SUCLA2: variants seen among roughly 807,000 people sequenced by gnomAD.
SUCLA2 encodes succinate-CoA ligase ADP-forming subunit beta.
A neutral mutation model predicts 54.8 loss-of-function variants in SUCLA2; 30 were observed. The observed-to-expected ratio is 0.55, with a 90% CI of 0.41 to 0.74. The LOEUF (loss-of-function observed/expected upper bound fraction) is 0.74, where lower values mean the gene tolerates loss of function less well. Among genes scored for constraint, SUCLA2 ranks in the 30% least tolerant of loss-of-function variants. The pLI is 0.00. For missense variants in SUCLA2, 476 were observed against 562.9 expected, an observed-to-expected ratio of 0.85 and a Z score of 1.56; for synonymous variants, 172 against 188.9, an observed-to-expected ratio of 0.91 and a Z score of 0.74.
intron 10 of SUCLA2, among the ~76,000 whole-genome samples, chr13:47,947,625 G>A (rs1233006462): frequency 6.6e-6 from 1 of 152,172 alleles, no homozygotes; most frequent in African/African-American, 2.4e-5. Context: ...GATTAACATT[G>A]TATACGTTTT....
In SUCLA2 at chr13:47,975,638, T is replaced by C. The variant is rs192851138; in HGVS notation, c.535-2246A>G. Among the ~76,000 whole-genome samples, 658 of 152,316 alleles carry C rather than the reference T, an allele frequency of 4.3e-3. 7 individuals carry two copies. Among genetic ancestry groups the C allele is most frequent in the African/African-American group, 0.015 (611 of 41,568 alleles). ...CTTTTTTAAGAGTGTTAAACTTTTA[T>C]TTAGGAAAAAAATGATTTTGTACCA... is the stretch of plus-strand genomic sequence containing the variant. On this transcript the variant is annotated intron_variant, in intron 4 of 10. Coordinates refer to ENST00000646932, the MANE Select transcript of SUCLA2 (RefSeq NM_003850.3).
chr13:47,986,905 C>T (rs921981487), intron 4 of SUCLA2, among the ~76,000 whole-genome samples: 3 of 152,148 alleles, frequency 2.0e-5, no homozygotes, highest in Admixed American at 6.5e-5. Flanking sequence ...AAATAGGTGA[C>T]TAATTTTTGT....
At chr13:47,988,290 A>G in intron 4 of SUCLA2, 2 of 537,734 alleles carry the variant, frequency 3.7e-6, no homozygotes, top group East Asian at 6.1e-5. Flanking sequence ...GTGAATTAAC[A>G]ATTTGAGAAT....
chr13:47,997,754 G>A (rs1950201527), intron 1 of SUCLA2, among the ~76,000 whole-genome samples: 1 of 152,182 alleles, frequency 6.6e-6, no homozygotes, highest in Non-Finnish European at 1.5e-5. Context: ...CTGAAACATG[G>A]TTCATATGAA....
At chr13:47,946,576 TTG>T (rs1949733542) in intron 10 of SUCLA2, among the ~76,000 whole-genome samples, 1 of 140,150 alleles carries the variant, frequency 7.1e-6, no homozygotes. Flanking sequence ...AAACAAAAGG[TTG>T]TGTTTTTTTT....
chr13:47,954,998 G>A (rs1319656435), intron 6 of SUCLA2, among the ~76,000 whole-genome samples: 1 of 151,342 alleles, frequency 6.6e-6, no homozygotes, highest in Non-Finnish European at 1.5e-5. Context: ...AAATCTTGCC[G>A]ACTTGCTAAA....
intron 4 of SUCLA2, among the ~76,000 whole-genome samples, chr13:47,982,405 T>A (rs1243159873): frequency 3.3e-5 from 5 of 152,088 alleles, no homozygotes; most frequent in African/African-American, 1.2e-4. Flanking sequence ...GAATGGAGAT[T>A]ACCAGGAGCT....
Position 47,996,699 on chromosome 13 carries a change from A to G in SUCLA2, c.271+144T>C, listed in dbSNP as rs901368403. On this transcript the variant is annotated intron_variant, in intron 2 of 10. Coordinates refer to ENST00000646932, the MANE Select transcript of SUCLA2 (RefSeq NM_003850.3). The stretch of plus-strand genomic sequence containing the variant: ...ATAATAATTTTAGAATTTCAATAAT[A>G]ATAAAGTTCTACCTTCTATTTTAAG... 12 of 625,626 alleles carry G rather than the reference A, an allele frequency of 1.9e-5. No individual in the cohort carries two copies. The African/African-American group carries it at 2.1e-4, about 11-fold the overall frequency. 38.8% of individuals were successfully genotyped at this position (625,626 alleles called of 1,614,324 possible).
chr13:47,949,239 T>C (rs994114565), intron 9 of SUCLA2, among the ~76,000 whole-genome samples: 1 of 152,186 alleles, frequency 6.6e-6, no homozygotes, highest in Non-Finnish European at 1.5e-5. Context: ...TGCTTAGTAA[T>C]TCAGGCAAGT....
At chr13:47,988,130 C>T (rs1950118391) in intron 4 of SUCLA2, 1 of 179,988 alleles carries the variant, frequency 5.6e-6, no homozygotes, top group African/African-American at 2.4e-5. Flanking sequence ...AAAAAACAAA[C>T]CCAAGAAGTT....
In SUCLA2 at chr13:47,964,746, G is replaced by A. The variant is rs1413076533; in HGVS notation, c.802+3849C>T. 3.3e-5 allele frequency among the ~76,000 whole-genome samples: 5 copies of A among 152,102 alleles called. No individual in the cohort carries two copies. The East Asian group carries it at 5.8e-4, about 18-fold the overall frequency. On this transcript the variant is annotated intron_variant, in intron 6 of 10. Transcript: ENST00000646932. ...GTGGCGGGCACCTGTAGTCCCAGCT[G>A]CTTGGGAGGCTGAGGCAGGAGAACG...
intron 2 of SUCLA2, among the ~76,000 whole-genome samples, chr13:47,989,712 G>A (rs1215564427): frequency 2.0e-5 from 3 of 152,012 alleles, no homozygotes; most frequent in African/African-American, 2.4e-5. Context: ...GAACATCTGA[G>A]TTATATCGCT....
At position 47,968,680 on chromosome 13, in the gene SUCLA2, G is replaced by A. The variant is rs1251561647; in HGVS notation, c.717C>T (p.Asn239=). The A allele has an allele frequency of 6.2e-7, 1 of 1,612,032 alleles. No homozygotes were observed. Among genetic ancestry groups the A allele is most frequent in the Non-Finnish European group, 8.5e-7 (1 of 1,179,840 alleles). ...GAAAAAGGCTGTAAAGCTTGACCAT[G>A]TTTTCTGCTGCTGATTCCACAATAT... The part of the protein sequence containing the change: ...PPNIVESAAE[N]MVKLYSLFLK... Residue 239 remains asparagine (N), a synonymous_variant, in exon 6 of 11, where the codon AAC becomes AAT. Coordinates refer to ENST00000646932, the MANE Select transcript of SUCLA2 (RefSeq NM_003850.3).
chr13:47,950,321 G>A (rs1593477742), intron 8 of SUCLA2, among the ~76,000 whole-genome samples: 3 of 152,222 alleles, frequency 2.0e-5, no homozygotes, highest in South Asian at 2.1e-4. Context: ...CCACCATCTC[G>A]CAGCCACCCA....
chr13:47,989,030 A>C (rs1350527772), intron 2 of SUCLA2, 49 bp from the exon 3 acceptor site: 1 of 1,532,168 alleles, frequency 6.5e-7, no homozygotes, highest in Non-Finnish European at 9.0e-7. Flanking sequence ...GCAGCATGCC[A>C]GACATAGTAT....
At chr13:47,972,148 G>A (rs1949971693) in intron 5 of SUCLA2, 5 of 309,168 alleles carry the variant, frequency 1.6e-5, no homozygotes, top group South Asian at 1.6e-4. Context: ...CCAGCTAGTC[G>A]GTAGGCTGAG....
intron 10 of SUCLA2, among the ~76,000 whole-genome samples, chr13:47,945,018 G>A (rs991152070): frequency 3.9e-5 from 6 of 151,946 alleles, no homozygotes; most frequent in East Asian, 3.9e-4. Context: ...TTGGGAGGCC[G>A]AGGCAGGTGG....
At chr13:47,954,892 C>CA (rs1464474615) in intron 6 of SUCLA2, among the ~76,000 whole-genome samples, 3 of 152,058 alleles carry the variant, frequency 2.0e-5, no homozygotes, top group Non-Finnish European at 4.4e-5. Flanking sequence ...CCCCATATCC[C>CA]ATCCCCTCTC....
chr13:47,950,261 A>C (rs2137689072), intron 8 of SUCLA2, among the ~76,000 whole-genome samples: 1 of 152,326 alleles, frequency 6.6e-6, no homozygotes, highest in South Asian at 2.1e-4. Flanking sequence ...GTTACCAAGA[A>C]AAAAAGCTCA....
Sources: allele counts gnomAD v4.1 joint callset (sites outside exome capture counted in the v4.1 genomes callset), GRCh38; gene constraint gnomAD v4.1.1; transcripts MANE v1.5; gene names NCBI Gene and HGNC (gene_info 2026-07-23, HGNC 2026-07-21).